The following RBFOX1 variants were observed in gnomAD, a reference collection of about 807,000 sequenced individuals.
The protein encoded by RBFOX1 is RNA binding fox-1 homolog 1, also known as RNA binding protein fox-1 homolog 1.
Under a neutral mutation model 57.7 loss-of-function variants are expected in RBFOX1, and 8 were observed. The ratio of observed to expected loss-of-function variants is 0.14; its 90% CI spans 0.08 to 0.25. The LOEUF (loss-of-function observed/expected upper bound fraction) is 0.25, where lower values mean the gene tolerates loss of function less well. Ranked by LOEUF, RBFOX1 falls within the 10% of genes least tolerant of loss-of-function variation. The pLI is 1.00. For missense variants in RBFOX1, 611 were observed against 548.5 expected (o/e 1.11, Z -1.14); for synonymous variants, 326 against 222.4 (o/e 1.47, Z -4.15).
intron 4 of RBFOX1, among the ~76,000 whole-genome samples, chr16:7,084,590 A>T (rs527385770): frequency 5.3e-5 from 8 of 152,282 alleles, no homozygotes; most frequent in Admixed American, 3.3e-4. Flanking sequence ...TTCAGTGACT[A>T]TGTGAGAGGT....
At chr16:5,616,178 C>T (rs1201203659) in intron 3 of RBFOX1, 2 of 152,506 alleles carry the variant, frequency 1.3e-5, no homozygotes, top group South Asian at 2.1e-4. Flanking sequence ...GCTCTGCCGT[C>T]CCCTGGGCTG....
chr16:7,111,925 T>G (rs904627493), intron 4 of RBFOX1, among the ~76,000 whole-genome samples: 3 of 152,156 alleles, frequency 2.0e-5, no homozygotes, highest in African/African-American at 7.2e-5. Context: ...AGTGGTCTCA[T>G]TCACAATTGA....
chr16:6,767,917 T>TAATAATAAA (rs2077573848), intron 3 of RBFOX1, among the ~76,000 whole-genome samples: 1 of 66,166 alleles, frequency 1.5e-5, no homozygotes, highest in African/African-American at 6.0e-5. Flanking sequence ...TCTATCTCAA[T>TAATAATAAA]AATAATAATA....
At chr16:5,557,923 G>A (rs938824162) in intron 2 of RBFOX1, among the ~76,000 whole-genome samples, 1 of 152,220 alleles carries the variant, frequency 6.6e-6, no homozygotes, top group Non-Finnish European at 1.5e-5. Flanking sequence ...AACAATGACA[G>A]TGGAACAACG....
intron 9 of RBFOX1, among the ~76,000 whole-genome samples, chr16:7,598,054 T>G (rs769497294): frequency 2.0e-5 from 3 of 152,172 alleles, no homozygotes; most frequent in Non-Finnish European, 2.9e-5. Context: ...AAACTCCTCC[T>G]AAAAAGCATT....
intron 2 of RBFOX1, among the ~76,000 whole-genome samples, chr16:6,417,498 T>C (rs2152983266): frequency 6.7e-6 from 1 of 148,592 alleles, no homozygotes; most frequent in East Asian, 2.0e-4. Context: ...CAAGCAATTC[T>C]CCTGCCTCAG....
chr16:6,594,866 G>A (rs2097761487), intron 2 of RBFOX1, among the ~76,000 whole-genome samples: 1 of 152,130 alleles, frequency 6.6e-6, no homozygotes, highest in Non-Finnish European at 1.5e-5. Context: ...TCAGCTAACT[G>A]TAACCTCCGC....
At chr16:6,954,545 C>A (rs1002882618) in intron 3 of RBFOX1, among the ~76,000 whole-genome samples, 1 of 152,148 alleles carries the variant, frequency 6.6e-6, no homozygotes, top group Non-Finnish European at 1.5e-5. Flanking sequence ...TGCCAACTGT[C>A]CTCACCTGTT....
chr16:5,357,667 G>T (rs910467204), intron 1 of RBFOX1, among the ~76,000 whole-genome samples: 1 of 152,204 alleles, frequency 6.6e-6, no homozygotes, highest in Non-Finnish European at 1.5e-5. Flanking sequence ...CCACACCCCA[G>T]GCTCTGGTTT....
intron 2 of RBFOX1, among the ~76,000 whole-genome samples, chr16:6,387,980 T>TG (rs1302532103): frequency 7.1e-6 from 1 of 140,808 alleles, no homozygotes; most frequent in Non-Finnish European, 1.6e-5. Flanking sequence ...GAACATTTTT[T>TG]TTTTTTTTTT....
At chr16:5,815,133 C>G (rs1034465464) in intron 3 of RBFOX1, among the ~76,000 whole-genome samples, 1 of 150,594 alleles carries the variant, frequency 6.6e-6, no homozygotes, top group Non-Finnish European at 1.5e-5. Context: ...GTGTGCATCA[C>G]CAGGCCTGGC....
At chr16:7,322,836 G>A (rs528657764) in intron 4 of RBFOX1, among the ~76,000 whole-genome samples, 2 of 152,226 alleles carry the variant, frequency 1.3e-5, no homozygotes, top group East Asian at 1.9e-4. Flanking sequence ...CTCCTCCTGC[G>A]TTCCTTCCCC....
intron 4 of RBFOX1, among the ~76,000 whole-genome samples, chr16:7,240,614 G>T (rs1487777430): frequency 2.6e-5 from 4 of 152,108 alleles, no homozygotes; most frequent in Non-Finnish European, 5.9e-5. Flanking sequence ...GAGTACAGTG[G>T]TATGATCACA....
At chr16:7,598,780 A>G (rs1285887729) in intron 9 of RBFOX1, among the ~76,000 whole-genome samples, 1 of 152,220 alleles carries the variant, frequency 6.6e-6, no homozygotes, top group Non-Finnish European at 1.5e-5. Flanking sequence ...AATTTAATAT[A>G]TACAGATTAG....
chr16:7,167,659 A>T (rs1474355624), intron 4 of RBFOX1, among the ~76,000 whole-genome samples: 1 of 152,224 alleles, frequency 6.6e-6, no homozygotes, highest in East Asian at 1.9e-4. Flanking sequence ...AGCCCTAGGA[A>T]ACTAATTCAC....
At chr16:7,034,841 C>T (rs200993461) in intron 3 of RBFOX1, among the ~76,000 whole-genome samples, 1,086 of 38,732 alleles carry the variant, frequency 0.028, 15 homozygotes, top group African/African-American at 0.064. Flanking sequence ...TTTTTTTTTT[C>T]TTTTTTCTTT....
chr16:5,809,785 G>C (rs1455294457), intron 3 of RBFOX1, among the ~76,000 whole-genome samples: 1 of 152,108 alleles, frequency 6.6e-6, no homozygotes, highest in Admixed American at 6.5e-5. Context: ...CAGGGATCTA[G>C]AACTAGAAAT....
chr16:6,855,126 C>T (rs774967391), intron 3 of RBFOX1, among the ~76,000 whole-genome samples: 4 of 151,968 alleles, frequency 2.6e-5, no homozygotes, highest in African/African-American at 4.8e-5. Flanking sequence ...CAGATTCCAG[C>T]ACTATACTGT....
intron 4 of RBFOX1, among the ~76,000 whole-genome samples, chr16:5,902,086 C>T (rs964443459): frequency 6.6e-6 from 1 of 152,162 alleles, no homozygotes; most frequent in Non-Finnish European, 1.5e-5. Flanking sequence ...TAATCATATT[C>T]CCTCTTTTGA....
Sources: allele counts gnomAD v4.1 joint callset (sites outside exome capture counted in the v4.1 genomes callset), GRCh38; gene constraint gnomAD v4.1.1; transcripts MANE v1.5; gene names NCBI Gene and HGNC (gene_info 2026-07-23, HGNC 2026-07-21).